Variants in RAG1 observed in about 807,000 individuals in gnomAD.
The protein encoded by RAG1 is recombination activating 1.
In RAG1, 35 loss-of-function variants were observed where a neutral mutation model predicts 62.7. That is an observed-to-expected ratio of 0.56 (90% CI 0.43 to 0.74). RAG1 has a LOEUF of 0.74. RAG1 is among the 30% of genes least tolerant of loss of function. RAG1 has a pLI of 0.00. For missense variants in RAG1, 1,169 were observed against 1,278.6 expected, an observed-to-expected ratio of 0.91 and a Z score of 1.31; for synonymous variants, 461 against 470.3, an observed-to-expected ratio of 0.98 and a Z score of 0.26.
intron 1 of RAG1, among the ~76,000 whole-genome samples, chr11:36,516,391 C>T (rs1859996548): frequency 6.6e-6 from 1 of 152,208 alleles, no homozygotes; most frequent in South Asian, 2.1e-4. Context: ...GCGCGATCTC[C>T]GCTCGCTGCA....
At chr11:36,549,332 A>G (rs1464779098) in intron 3 of RAG1, among the ~76,000 whole-genome samples, 1 of 152,240 alleles carries the variant, frequency 6.6e-6, no homozygotes, top group African/African-American at 2.4e-5. Flanking sequence ...CAGAGTGAAC[A>G]GGCAACCTAT....
intron 2 of RAG1, among the ~76,000 whole-genome samples, chr11:36,534,699 G>A (rs1404697608): frequency 1.3e-5 from 2 of 152,102 alleles, no homozygotes; most frequent in Admixed American, 1.3e-4. Context: ...GAAGAATTGT[G>A]ACTGTTTTGC....
chr11:36,512,461 C>G (rs1859939832), intron 1 of RAG1, among the ~76,000 whole-genome samples: 1 of 152,190 alleles, frequency 6.6e-6, no homozygotes, highest in African/African-American at 2.4e-5. Flanking sequence ...CTACTTTATG[C>G]ACAGTTCTTT....
chr11:36,558,546 G>C (rs1850535749), intron 3 of RAG1, among the ~76,000 whole-genome samples: 1 of 152,026 alleles, frequency 6.6e-6, no homozygotes, highest in African/African-American at 2.4e-5. Flanking sequence ...TACAGTTTTG[G>C]ATTTAAAAGT....
downstream of RAG1, among the ~76,000 whole-genome samples, chr11:36,538,543 T>G (rs975899024): frequency 2.0e-5 from 3 of 152,200 alleles, no homozygotes; most frequent in Non-Finnish European, 2.9e-5. Flanking sequence ...TTTCACGCAT[T>G]TTCTTTTAGA....
intron 1 of RAG1, among the ~76,000 whole-genome samples, chr11:36,513,510 G>GT (rs1339242384): frequency 6.6e-6 from 1 of 152,190 alleles, no homozygotes; most frequent in Non-Finnish European, 1.5e-5. Flanking sequence ...ATAAGTGTGT[G>GT]TGGCAGCCTG....
upstream of RAG1, chr11:36,567,403 A>G (rs1362787166): frequency 6.6e-6 from 1 of 152,184 alleles, no homozygotes; most frequent in Non-Finnish European, 1.5e-5. Flanking sequence ...TAATGAATCA[A>G]AGGCCTGAGT....
downstream of RAG1, among the ~76,000 whole-genome samples, chr11:36,539,405 G>A (rs1269314330): frequency 6.6e-6 from 1 of 152,178 alleles, no homozygotes; most frequent in African/African-American, 2.4e-5. Context: ...AGCCCTAGGT[G>A]ACTAATATAG....
intron 2 of RAG1, among the ~76,000 whole-genome samples, chr11:36,522,521 C>A (rs1035461830): frequency 6.6e-6 from 1 of 152,198 alleles, no homozygotes; most frequent in Admixed American, 6.5e-5. Flanking sequence ...AGGGGTGGGG[C>A]CCTCATGGAG....
At chr11:36,565,804 A>G (rs1054210791), upstream of RAG1, 1 of 152,190 alleles carries the variant, frequency 6.6e-6, no homozygotes, top group Non-Finnish European at 1.5e-5. Context: ...TTACTTCTCA[A>G]TAGGAGACAA....
chr11:36,536,837 C>T (rs1020994663), downstream of RAG1, among the ~76,000 whole-genome samples: 1 of 151,412 alleles, frequency 6.6e-6, no homozygotes, highest in South Asian at 2.1e-4. Context: ...CAGCTCACTG[C>T]AAGCTCCGCC....
chr11:36,568,628 G>A (rs1475951420), intron 1 of RAG1, among the ~76,000 whole-genome samples: 2 of 152,120 alleles, frequency 1.3e-5, no homozygotes, highest in Non-Finnish European at 2.9e-5. Flanking sequence ...GCAATTTCTG[G>A]ATTCCTTCCC....
intron 2 of RAG1, among the ~76,000 whole-genome samples, chr11:36,532,246 A>G (rs1187281183): frequency 6.6e-6 from 1 of 152,042 alleles, no homozygotes; most frequent in Non-Finnish European, 1.5e-5. Context: ...TAGAGATACT[A>G]TGTGTTAATA....
chr11:36,536,301 A>T (rs1590673249), downstream of RAG1, among the ~76,000 whole-genome samples: 1 of 152,218 alleles, frequency 6.6e-6, no homozygotes, highest in African/African-American at 2.4e-5. Context: ...CAATGAAACC[A>T]ACTAAAATAG....
chr11:36,560,717 T>G (rs1344696666), intron 3 of RAG1, among the ~76,000 whole-genome samples: 2 of 152,100 alleles, frequency 1.3e-5, no homozygotes, highest in African/African-American at 4.8e-5. Flanking sequence ...CTTTTGTACC[T>G]AGGATTTCAG....
rs557274173 is a variant in RAG1 at position 36,518,202 on chromosome 11, G to T, written n.331-1930G>T. The stretch of plus-strand genomic sequence containing the variant: ...TTTTTATGGCTGCATAGTATTCCAT[G>T]GTGTATATGTGCCACATTTTCTTAA... On this transcript the variant is annotated intron_variant and non_coding_transcript_variant, in intron 1 of 2. Coordinates refer to the RAG1 transcript ENST00000529126. 2.0e-5 allele frequency among the ~76,000 whole-genome samples: 3 copies of T among 152,080 alleles called. No individual in the cohort carries two copies. The East Asian group carries it at 5.8e-4, about 29-fold the overall frequency.
intron 2 of RAG1, among the ~76,000 whole-genome samples, chr11:36,531,194 T>C (rs1370907449): frequency 6.6e-6 from 1 of 151,976 alleles, no homozygotes; most frequent in Admixed American, 6.6e-5. Context: ...AAATTTCCCA[T>C]TATTTTACTT....
chr11:36,516,069 T>C (rs1265252244), intron 1 of RAG1, among the ~76,000 whole-genome samples: 3 of 152,218 alleles, frequency 2.0e-5, no homozygotes, highest in Non-Finnish European at 4.4e-5. Flanking sequence ...ATCCACTGCA[T>C]TGGAGCCAGT....
Position 36,542,288 on chromosome 11 carries a change from A to T in RAG1, c.-412+6254A>T, listed in dbSNP as rs115901589. On this transcript the variant is annotated intron_variant and NMD_transcript_variant, in intron 3 of 9. Transcript: ENST00000534663. ...TGAGTCTCTTTAAAGACAAATATTA[A>T]ATACATAACGCTGCAGGTGATATCT... is the stretch of plus-strand genomic sequence containing the variant. 2.4e-3 allele frequency among the ~76,000 whole-genome samples: 359 copies of T among 152,340 alleles called. 1 individual carries two copies. The highest frequency in any genetic ancestry group is 8.3e-3 in the African/African-American group (347 of 41,568).
Sources: allele counts gnomAD v4.1 joint callset (sites outside exome capture counted in the v4.1 genomes callset), GRCh38; gene constraint gnomAD v4.1.1; transcripts MANE v1.5; gene names NCBI Gene and HGNC (gene_info 2026-07-23, HGNC 2026-07-21).